Variants in CYP4F22 observed in about 807,000 individuals in gnomAD.
CYP4F22 encodes the protein ultra-long-chain fatty acid omega-hydroxylase.
Under a neutral mutation model 60.4 loss-of-function variants are expected in CYP4F22, and 37 were observed. The observed-to-expected ratio is 0.61, with a 90% CI of 0.47 to 0.81. The LOEUF (loss-of-function observed/expected upper bound fraction) is 0.81, where lower values mean the gene tolerates loss of function less well. CYP4F22 is among the 30% of genes least tolerant of loss of function. The pLI is 0.00. For synonymous variants in CYP4F22, 258 were observed against 280.5 expected (o/e 0.92, Z 0.80); for missense variants, 655 against 715.0 (o/e 0.92, Z 0.96).
chr19:15,549,168 C>T lies in CYP4F22; in HGVS notation c.1301C>T (p.Thr434Ile). 1 of 1,614,024 alleles carries T rather than the reference C, an allele frequency of 6.2e-7. No individual in the cohort carries two copies. Among genetic ancestry groups the T allele is most frequent in the South Asian group, 1.1e-5 (1 of 91,080 alleles). ...ATCTGCTTGGTCAGCATCTATGGAACCCACCACAACCCCACAGTGTGGCCT... is the reference window on the plus strand; with the variant it reads ...ATCTGCTTGGTCAGCATCTATGGAATCCACCACAACCCCACAGTGTGGCCT... Reference protein sequence around the residue: ...GIICLVSIYGTHHNPTVWPDS... With the variant: ...GIICLVSIYGIHHNPTVWPDS... Residue 434 changes from threonine to isoleucine, a missense_variant, in exon 12 of 14, where the codon ACC (threonine) becomes ATC (isoleucine). By Grantham distance (89) the Thr-to-Ile change is moderately conservative. Coordinates refer to ENST00000269703, the MANE Select transcript of CYP4F22 (RefSeq NM_173483.4).
chr19:15,524,734 A>T (rs1289408842), intron 2 of CYP4F22, among the ~76,000 whole-genome samples: 1 of 152,184 alleles, frequency 6.6e-6, no homozygotes, highest in Non-Finnish European at 1.5e-5. Flanking sequence ...CTGAAACTAG[A>T]TGGAGGTGGT....
chr19:15,549,317 GCATTTAGC>G, intron 12 of CYP4F22, 115 bp downstream of exon 12: 1 of 990,728 alleles, frequency 1.0e-6, no homozygotes, highest in South Asian at 1.3e-5. Context: ...TCCCCACTCC[GCATTTAGC>G]CATTTATTCA....
intron 4 of CYP4F22, among the ~76,000 whole-genome samples, chr19:15,535,831 A>C (rs1031596342): frequency 6.6e-6 from 1 of 152,238 alleles, no homozygotes; most frequent in Non-Finnish European, 1.5e-5. Context: ...ATAAAAATTT[A>C]TCTAGCACAA....
intron 1 of CYP4F22, among the ~76,000 whole-genome samples, chr19:15,508,900 G>T (rs1471343200): frequency 2.0e-5 from 3 of 151,986 alleles, no homozygotes; most frequent in Non-Finnish European, 4.4e-5. Flanking sequence ...GATGGGCAGG[G>T]GGCCTCCAAA....
chr19:15,551,189 C>A, intron 13 of CYP4F22, 105 bp from the exon 14 acceptor site: 1 of 1,460,236 alleles, frequency 6.8e-7, no homozygotes, highest in Non-Finnish European at 9.4e-7. Flanking sequence ...CTTTAACCCT[C>A]AGCCAGCCCA....
At chr19:15,524,700 A>AAG (rs966373371) in intron 2 of CYP4F22, among the ~76,000 whole-genome samples, 2 of 147,034 alleles carry the variant, frequency 1.4e-5, no homozygotes, top group Admixed American at 6.7e-5. Context: ...GAAAGAAAGA[A>AAG]AGAGAGAGAG....
Position 15,525,495 on chromosome 19 carries a change from C to T in CYP4F22, c.159C>T (p.Cys53=). 6.2e-7 allele frequency: 1 copy of T among 1,613,534 alleles called. No individual in the cohort carries two copies. The highest frequency in any genetic ancestry group is 8.5e-7 in the Non-Finnish European group (1 of 1,179,924). ...TCTGCAGGAGCTTCTACATCACCTG[C>T]CGCCGGCTGCGCTGCTTCCCCCAGC... ...LRLCRSFYIT[C]RRLRCFPQPP... The change falls in exon 3 of 14, where the codon TGC becomes TGT. Residue 53 remains cysteine, a synonymous_variant. Coordinates refer to ENST00000269703, the MANE Select transcript of CYP4F22 (RefSeq NM_173483.4).
chr19:15,544,642 A>C (rs564528335), intron 10 of CYP4F22, among the ~76,000 whole-genome samples: 7 of 152,284 alleles, frequency 4.6e-5, no homozygotes, highest in African/African-American at 9.6e-5. Flanking sequence ...AGTTGCTTCA[A>C]AACTAAGAGC....
Position 15,551,897 on chromosome 19 carries a change from C to G in CYP4F22, c.*426C>G, listed in dbSNP as rs534702412. 8.9e-5 allele frequency: 16 copies of G among 179,548 alleles called. No individual in the cohort carries two copies. The highest frequency in any genetic ancestry group is 3.4e-4 in the Admixed American group (6 of 17,882). The allele number at this position is 179,548 out of a possible 1,614,324, so 11.1% of individuals were successfully genotyped here. ...ACTCAGGGCCCACCACACCCCACCC[C>G]CCCCCAACTGGCTGAACCCCTGGCA... On this transcript the variant is annotated 3_prime_UTR_variant, in exon 14 of 14. Coordinates refer to ENST00000269703, the MANE Select transcript of CYP4F22 (RefSeq NM_173483.4).
intron 4 of CYP4F22, among the ~76,000 whole-genome samples, chr19:15,532,775 C>A (rs1038719948): frequency 6.6e-6 from 1 of 152,116 alleles, no homozygotes; most frequent in African/African-American, 2.4e-5. Context: ...CCAAACAGAC[C>A]GAGGAGTAGT....
At chr19:15,521,629 C>T (rs1174796094) in intron 1 of CYP4F22, among the ~76,000 whole-genome samples, 3 of 151,960 alleles carry the variant, frequency 2.0e-5, no homozygotes, top group Non-Finnish European at 4.4e-5. Context: ...GGGGTATATC[C>T]CCAGAAGTAG....
chr19:15,522,455 G>A (rs944994646), intron 1 of CYP4F22, among the ~76,000 whole-genome samples: 2 of 152,056 alleles, frequency 1.3e-5, no homozygotes, highest in Non-Finnish European at 2.9e-5. Context: ...TGGGAGGATT[G>A]CTTGAGCCTA....
chr19:15,540,030 A>G (rs550221741), intron 7 of CYP4F22, among the ~76,000 whole-genome samples: 1 of 152,294 alleles, frequency 6.6e-6, no homozygotes, highest in South Asian at 2.1e-4. Flanking sequence ...TCAGATAGAC[A>G]ATTTGCAAAT....
intron 8 of CYP4F22, among the ~76,000 whole-genome samples, chr19:15,541,865 CAAAAAAA>C (rs1052977392): frequency 2.0e-5 from 2 of 99,682 alleles, no homozygotes; most frequent in African/African-American, 7.6e-5. Context: ...AACTCCGTCT[CAAAAAAA>C]AAAAAAAAAA....
rs1971585061 is a variant in CYP4F22, at chr19:15,550,723, C to T, written c.1385C>T (p.Pro462Leu). The T allele has an allele frequency of 6.2e-7, 1 of 1,614,084 alleles. No homozygotes were observed. Among genetic ancestry groups the T allele is most frequent in the Non-Finnish European group, 8.5e-7 (1 of 1,180,032 alleles). Residue 462 changes from proline (P) to leucine (L), a missense_variant, in exon 13 of 14, where the codon CCA (proline) becomes CTA (leucine). Around this residue, in one of 3 missense-constraint regions of CYP4F22, gnomAD observed 151 missense variants for 139.4 expected, o/e 1.08. Coordinates refer to ENST00000269703, the MANE Select transcript of CYP4F22 (RefSeq NM_173483.4). ...FDPDNPQQRS[P>L]LAYVPFSAGP... is the part of the protein sequence containing the mutation. Reference sequence around the variant, plus strand: ...CCGGACAACCCACAGCAGCGCTCTCCACTGGCCTATGTGCCCTTCTCTGCA... The same window carrying T: ...CCGGACAACCCACAGCAGCGCTCTCTACTGGCCTATGTGCCCTTCTCTGCA...
At chr19:15,511,763 G>A (rs1197643698) in intron 1 of CYP4F22, among the ~76,000 whole-genome samples, 2 of 152,212 alleles carry the variant, frequency 1.3e-5, no homozygotes, top group Admixed American at 1.3e-4. Flanking sequence ...CATGTATCTC[G>A]TACCTGGCGT....
chr19:15,508,986 G>T (rs1971052523), intron 1 of CYP4F22, among the ~76,000 whole-genome samples: 1 of 152,112 alleles, frequency 6.6e-6, no homozygotes, highest in African/African-American at 2.4e-5. Context: ...GCTGAATGGG[G>T]ATTCGCCCTG....
At chr19:15,519,564 G>C (rs1196769791) in intron 1 of CYP4F22, among the ~76,000 whole-genome samples, 1 of 152,122 alleles carries the variant, frequency 6.6e-6, no homozygotes, top group African/African-American at 2.4e-5. Flanking sequence ...TGCTCAGCCA[G>C]AGGAGGGGAC....
intron 1 of CYP4F22, among the ~76,000 whole-genome samples, chr19:15,522,855 C>T (rs1007561942): frequency 2.0e-5 from 3 of 151,996 alleles, no homozygotes; most frequent in Admixed American, 1.3e-4. Flanking sequence ...GGATTATAGG[C>T]GCACGCCACC....
Sources: allele counts gnomAD v4.1 joint callset (sites outside exome capture counted in the v4.1 genomes callset), GRCh38; gene constraint gnomAD v4.1.1; regional missense constraint gnomAD v4.1.1; transcripts MANE v1.5; gene names NCBI Gene and HGNC (gene_info 2026-07-23, HGNC 2026-07-21).